Variants in SERPINA6 observed in about 807,000 individuals in gnomAD.
SERPINA6 encodes the protein corticosteroid-binding globulin.
Under a neutral mutation model 26.4 loss-of-function variants are expected in SERPINA6, and 19 were observed. The observed-to-expected ratio is 0.72, with a 90% CI of 0.50 to 1.06. The LOEUF (loss-of-function observed/expected upper bound fraction) is 1.06, where lower values mean the gene tolerates loss of function less well. SERPINA6 is among the 50% of genes least tolerant of loss of function. The probability of loss-of-function intolerance (pLI) is 0.00; values close to 1 mark genes in which losing one functional copy is unlikely to be tolerated. For synonymous variants in SERPINA6, 196 were observed against 199.4 expected (o/e 0.98, Z 0.14); for missense variants, 473 against 504.0 (o/e 0.94, Z 0.59).
At chr14:94,308,432 C>T (rs921927788) in intron 3 of SERPINA6, among the ~76,000 whole-genome samples, 19 of 152,002 alleles carry the variant, frequency 1.2e-4, no homozygotes, top group African/African-American at 2.7e-4. Context: ...AATGAATGAG[C>T]GAATGAAATG....
chr14:94,320,419 C>T (rs1336360725), intron 1 of SERPINA6, among the ~76,000 whole-genome samples: 1 of 152,210 alleles, frequency 6.6e-6, no homozygotes, highest in Non-Finnish European at 1.5e-5. Context: ...ACTGCTCAGA[C>T]ATGTTCAAAC....
intron 1 of SERPINA6, among the ~76,000 whole-genome samples, chr14:94,317,119 C>A (rs1895624421): frequency 6.6e-6 from 1 of 152,084 alleles, no homozygotes; most frequent in Non-Finnish European, 1.5e-5. Context: ...CTCTGGAGAA[C>A]CCTGACTAAT....
chr14:94,304,733 G>A, intron 4 of SERPINA6, 130 bp from the exon 5 acceptor site: 1 of 770,636 alleles, frequency 1.3e-6, no homozygotes, highest in Non-Finnish European at 2.1e-6. Context: ...GTCACTTGCT[G>A]GATTCTTATC....
chr14:94,314,911 C>T (rs1169936079), intron 1 of SERPINA6: 2 of 578,338 alleles, frequency 3.5e-6, no homozygotes, highest in East Asian at 5.9e-5. Context: ...GGTAGTCTGG[C>T]TATATTCAGT....
chr14:94,308,576 C>T (rs1421249238), intron 3 of SERPINA6, among the ~76,000 whole-genome samples: 1 of 151,714 alleles, frequency 6.6e-6, no homozygotes, highest in South Asian at 2.1e-4. Context: ...CATCAGCCCC[C>T]CTGCCACCAG....
At position 94,309,973 on chromosome 14, in the gene SERPINA6, G is replaced by C. The variant is rs1765051363; in HGVS notation, c.647C>G (p.Thr216Ser). The change falls in exon 3 of 5, where the codon ACC (threonine) becomes AGC (serine). Residue 216 changes from threonine to serine, a missense_variant. Coordinates refer to ENST00000341584, the MANE Select transcript of SERPINA6 (RefSeq NM_001756.4). ...GTCCACATAGAAGTTCTCCTCCCTG[G>C]TGCTTGCCAGGTCAAAGGGCTGTGT... ...TWTQPFDLASTREENFYVDET... is the reference protein window; with the variant it reads ...TWTQPFDLASSREENFYVDET... 1 of 1,614,112 alleles carries C rather than the reference G, an allele frequency of 6.2e-7. No homozygotes were observed.
rs1184890288 is a variant in SERPINA6 at position 94,304,328 on chromosome 14, T to C, written c.*90A>G. ...TGGAGGGAGAAGAACTTGGAGGAGA[T>C]TGGGGGAAACCTCCCGCTCTCCAAA... On this transcript the variant is annotated 3_prime_UTR_variant, in exon 5 of 5. Coordinates refer to ENST00000341584, the MANE Select transcript of SERPINA6 (RefSeq NM_001756.4). The C allele has an allele frequency of 2.6e-5, 34 of 1,293,948 alleles. 1 individual carries two copies. The Admixed American group carries it at 3.7e-4, about 14-fold the overall frequency. The allele number at this position is 1,293,948 out of a possible 1,614,324, so 80.2% of individuals were successfully genotyped here. A position where few individuals can be genotyped will look rare whatever the true frequency, so the allele number is the denominator to read the frequency against.
chr14:94,310,761 A>T (rs555505097), intron 2 of SERPINA6, among the ~76,000 whole-genome samples: 64 of 152,158 alleles, frequency 4.2e-4, no homozygotes, highest in Non-Finnish European at 6.9e-4. Context: ...TATTCCAGAC[A>T]ACTGAGTCCA....
At chr14:94,311,741 C>T (rs987876657) in intron 2 of SERPINA6, among the ~76,000 whole-genome samples, 5 of 151,958 alleles carry the variant, frequency 3.3e-5, no homozygotes, top group Non-Finnish European at 5.9e-5. Context: ...AGATCGAGAC[C>T]GTCCTGGCTA....
chr14:94,319,520 G>A (rs1025734010), intron 1 of SERPINA6, among the ~76,000 whole-genome samples: 5 of 152,158 alleles, frequency 3.3e-5, no homozygotes, highest in Non-Finnish European at 5.9e-5. Flanking sequence ...CAAAGTCACA[G>A]CAGCATTATT....
rs749505279 is a variant in SERPINA6, at chr14:94,306,135, T to C, written c.968A>G (p.Asp323Gly). 2 of 1,614,168 alleles carry C rather than the reference T, an allele frequency of 1.2e-6. No homozygotes were observed. Among genetic ancestry groups the C allele is most frequent in the South Asian group, 2.2e-5 (2 of 91,078 alleles). ...GDVLEEMGIA[D>G]LFTNQANFSR... is the part of the protein sequence containing the mutation. ...GAAATTTGCCTGGTTGGTGAACAAGTCTGCAATGCCCATTTCCTCCAGCAC... is the reference window on the plus strand; with the variant it reads ...GAAATTTGCCTGGTTGGTGAACAAGCCTGCAATGCCCATTTCCTCCAGCAC... Residue 323 changes from aspartate to glycine, a missense_variant, in exon 4 of 5, where the codon GAC becomes GGC. Asp to Gly is a moderately conservative substitution (Grantham distance 94, BLOSUM62 -1). Transcript: ENST00000341584.
chr14:94,306,106 G>T lies in SERPINA6; in HGVS notation c.997C>A (p.Arg333Ser). 6.2e-7 allele frequency: 1 copy of T among 1,614,186 alleles called. No individual in the cohort carries two copies. The highest frequency in any genetic ancestry group is 8.5e-7 in the Non-Finnish European group (1 of 1,180,028). ...DLFTNQANFS[R>S]ITQDAQLKSS... ...TTCAGCTGGGCGTCCTGGGTGATGC[G>T]TGAGAAATTTGCCTGGTTGGTGAAC... Residue 333 changes from arginine to serine, a missense_variant, in exon 4 of 5, where the codon CGC becomes AGC. Transcript: ENST00000341584.
chr14:94,318,891 C>T (rs981730948), intron 1 of SERPINA6, among the ~76,000 whole-genome samples: 16 of 152,130 alleles, frequency 1.1e-4, no homozygotes, highest in African/African-American at 3.9e-4. Context: ...AATGGGAAAA[C>T]ATTTGCAAAT....
intron 1 of SERPINA6, chr14:94,314,892 A>C (rs1251261495): frequency 1.7e-6 from 1 of 602,126 alleles, no homozygotes. Flanking sequence ...GGTACCCAAC[A>C]CTGATCTAGG....
At chr14:94,319,002 A>G (rs926908393) in intron 1 of SERPINA6, among the ~76,000 whole-genome samples, 1 of 152,254 alleles carries the variant, frequency 6.6e-6, no homozygotes, top group African/African-American at 2.4e-5. Context: ...TGGGCAAAGG[A>G]CTTGAGTGGA....
intron 3 of SERPINA6, among the ~76,000 whole-genome samples, chr14:94,307,680 G>A (rs2180401): frequency 1.3e-5 from 2 of 151,900 alleles, no homozygotes; most frequent in African/African-American, 4.8e-5. Context: ...CCCTAGCATC[G>A]CCCAGACACA....
intron 2 of SERPINA6, among the ~76,000 whole-genome samples, chr14:94,310,591 C>A (rs1895515532): frequency 6.6e-6 from 1 of 152,148 alleles, no homozygotes; most frequent in Non-Finnish European, 1.5e-5. Context: ...GTGCCACCAT[C>A]CAGCTTGTTT....
At chr14:94,305,090 A>G (rs1236751113) in intron 4 of SERPINA6, among the ~76,000 whole-genome samples, 1 of 152,214 alleles carries the variant, frequency 6.6e-6, no homozygotes, top group Non-Finnish European at 1.5e-5. Flanking sequence ...TTCTGAAGTC[A>G]GCAAAACGTC....
chr14:94,322,299 A>G (rs1052564424), intron 1 of SERPINA6, among the ~76,000 whole-genome samples: 1 of 152,214 alleles, frequency 6.6e-6, no homozygotes, highest in Admixed American at 6.5e-5. Flanking sequence ...ATCTGAGGTC[A>G]GGAGTTCGAG....
Sources: gnomAD v4.1 joint callset for allele counts (sites outside exome capture counted in the v4.1 genomes callset) on GRCh38, gnomAD v4.1.1 for gene constraint, MANE v1.5 for transcripts, NCBI Gene and HGNC (gene_info 2026-07-23, HGNC 2026-07-21) for gene names.